PREP: variants seen among roughly 807,000 people sequenced by gnomAD.
PREP encodes prolyl endopeptidase, also known as dJ355L5.1 (prolyl endopeptidase).
A neutral mutation model predicts 87.6 loss-of-function variants in PREP; 29 were observed. That is an observed-to-expected ratio of 0.33 (90% CI 0.25 to 0.45). The LOEUF (loss-of-function observed/expected upper bound fraction) is 0.45. PREP is among the 20% of genes least tolerant of loss of function. The pLI is 1.00. For synonymous variants in PREP, 337 were observed against 328.6 expected, an observed-to-expected ratio of 1.03 and a Z score of -0.28; for missense variants, 695 against 886.5, an observed-to-expected ratio of 0.78 and a Z score of 2.74.
In PREP at chr6:105,328,895, C is replaced by CT; in HGVS notation, c.1146_1147insA (p.Val383SerfsTer11). ...TCCTTCTTCTGACCGCTGTACCCTA[C>CT]AATGCTGCCGACATCGAGCGGGAAG... On this transcript the variant is annotated frameshift_variant, in exon 9 of 15. Transcript: ENST00000652536. LOFTEE classifies it high-confidence loss of function. 1 of 1,614,156 alleles carries CT rather than the reference C, an allele frequency of 6.2e-7. No individual in the cohort carries two copies. The highest frequency in any genetic ancestry group is 8.5e-7 in the Non-Finnish European group (1 of 1,180,034).
intron 10 of PREP, among the ~76,000 whole-genome samples, chr6:105,301,469 A>G (rs1255288528): frequency 2.0e-5 from 3 of 152,220 alleles, no homozygotes; most frequent in East Asian, 1.9e-4. Flanking sequence ...AGAACTTCCT[A>G]GGACTTAGAG....
intron 10 of PREP, among the ~76,000 whole-genome samples, chr6:105,293,159 C>A (rs1770334682): frequency 6.6e-6 from 1 of 152,174 alleles, no homozygotes; most frequent in Non-Finnish European, 1.5e-5. Context: ...CTGAGACAGA[C>A]CAAAAGCTAG....
intron 2 of PREP, among the ~76,000 whole-genome samples, chr6:105,378,414 C>T (rs1006969616): frequency 6.6e-5 from 10 of 152,150 alleles, no homozygotes; most frequent in African/African-American, 1.2e-4. Context: ...GAGCCAAGAT[C>T]GTGCCACTGC....
chr6:105,308,766 C>G (rs1026228146), intron 10 of PREP, among the ~76,000 whole-genome samples: 1 of 152,186 alleles, frequency 6.6e-6, no homozygotes, highest in Non-Finnish European at 1.5e-5. Context: ...AACATATCTA[C>G]TCTGTGTTCT....
rs183624234 is a variant in PREP, at chr6:105,315,776, T to C, written c.1317+7889A>G. On this transcript the variant is annotated intron_variant, in intron 10 of 14. Transcript: ENST00000652536. ...TTGCTGCAGCTTCTACATCAGCACT[T>C]GCTGCTTCACCTTGAACTTTTATGT... Among the ~76,000 whole-genome samples the C allele has an allele frequency of 7.3e-4, 111 of 152,384 alleles. 1 individual carries two copies. The highest frequency in any genetic ancestry group is 1.9e-3 in the Admixed American group (29 of 15,308).
At chr6:105,373,281 T>C in intron 5 of PREP, 88 bp downstream of exon 5, 7 of 1,405,258 alleles carry the variant, frequency 5.0e-6, no homozygotes, top group Non-Finnish European at 7.0e-6. Flanking sequence ...CCACACAACC[T>C]CTATGTAGGG....
In PREP at chr6:105,401,917, T is replaced by G. The variant is rs565022263; in HGVS notation, c.45+930A>C. ...TCACACAAATACATACTTATTCTGA[T>G]TATATTTTAAGTAATCTGAGAAATG... On this transcript the variant is annotated intron_variant, in intron 1 of 14. Transcript: ENST00000652536. Among the ~76,000 whole-genome samples the G allele has an allele frequency of 4.6e-5, 7 of 152,362 alleles. No homozygotes were observed. The South Asian group carries it at 1.4e-3, about 32-fold the overall frequency.
intron 1 of PREP, 140 bp downstream of exon 1, chr6:105,402,707 T>A: frequency 1.4e-6 from 1 of 740,732 alleles, no homozygotes; most frequent in Non-Finnish European, 2.0e-6. Context: ...CCCGGCCCAA[T>A]TCTCCCAAAC....
Position 105,276,998 on chromosome 6 carries a change from A to G in PREP, c.*1146T>C, listed in dbSNP as rs1769947758. On this transcript the variant is annotated 3_prime_UTR_variant, in exon 15 of 15. Transcript: ENST00000652536. ...ATCATATCATCTGATAAAGCAAGAC[A>G]AAGGAAAAAAAACTGTTTTAAGTTA... Among the ~76,000 whole-genome samples the G allele has an allele frequency of 6.6e-6, 1 of 152,148 alleles. No homozygotes were observed. Among genetic ancestry groups the G allele is most frequent in the Admixed American group, 6.6e-5 (1 of 15,264 alleles).
intron 7 of PREP, among the ~76,000 whole-genome samples, chr6:105,341,760 C>T (rs758127100): frequency 7.2e-5 from 11 of 152,314 alleles, no homozygotes; most frequent in South Asian, 2.1e-4. Context: ...ACTATAAATA[C>T]CTCTTTGCAA....
intron 10 of PREP, among the ~76,000 whole-genome samples, chr6:105,304,362 C>T (rs144185590): frequency 2.5e-4 from 38 of 152,184 alleles, no homozygotes; most frequent in African/African-American, 8.9e-4. Flanking sequence ...GAATGTACTA[C>T]GAATACCCCC....
At chr6:105,361,937 T>A (rs1435804832) in intron 6 of PREP, among the ~76,000 whole-genome samples, 2 of 152,228 alleles carry the variant, frequency 1.3e-5, no homozygotes, top group South Asian at 4.2e-4. Context: ...CAAATAAAGT[T>A]ACCCAGCTTT....
At chr6:105,378,447 G>T (rs1772750669) in intron 2 of PREP, among the ~76,000 whole-genome samples, 1 of 152,188 alleles carries the variant, frequency 6.6e-6, no homozygotes, top group African/African-American at 2.4e-5. Context: ...GCGACACAGG[G>T]AGACTGTCTT....
intron 5 of PREP, among the ~76,000 whole-genome samples, chr6:105,370,080 C>T (rs7772957): frequency 0.27 from 41,627 of 151,606 alleles, 7,292 homozygotes; most frequent in African/African-American, 0.5. Flanking sequence ...GGTGAAATCC[C>T]GTCTCTACTA....
Position 105,274,857 on chromosome 6 carries a change from A to C in PREP, c.*3287T>G, listed in dbSNP as rs1769903543. ...GGCTGGGGAACTTGGACCTTTGCCA[A>C]ATGGGGAAAAGGTATTATGTGCTTC... On this transcript the variant is annotated 3_prime_UTR_variant, in exon 15 of 15. Coordinates refer to ENST00000652536, the MANE Select transcript of PREP (RefSeq NM_002726.5). Among the ~76,000 whole-genome samples, 1 of 152,136 alleles carries C rather than the reference A, an allele frequency of 6.6e-6. No individual in the cohort carries two copies.
chr6:105,363,985 T>C (rs1034732185), intron 6 of PREP, among the ~76,000 whole-genome samples: 2 of 152,102 alleles, frequency 1.3e-5, no homozygotes, highest in African/African-American at 2.4e-5. Context: ...TACATCCTCA[T>C]TGCAAGCAGC....
At chr6:105,335,109 T>C (rs932240625) in intron 7 of PREP, among the ~76,000 whole-genome samples, 17 of 152,204 alleles carry the variant, frequency 1.1e-4, no homozygotes, top group African/African-American at 4.1e-4. Flanking sequence ...ATCATCAACA[T>C]TTAAATAGCT....
rs1416286477 is a variant in PREP at position 105,278,118 on chromosome 6, C to T, written c.*26G>A. On this transcript the variant is annotated 3_prime_UTR_variant, in exon 15 of 15. Transcript: ENST00000652536. The surrounding 1 kb of genome is among the most constrained non-coding windows in gnomAD (Gnocchi z 4.2). ...GGAAAGCCCTTGAGGTTTTCTGTCG[C>T]TGTCAGGAGGAAGCACGAAAACTGT... The T allele has an allele frequency of 2.5e-6, 4 of 1,588,994 alleles. No individual in the cohort carries two copies. Among genetic ancestry groups the T allele is most frequent in the East Asian group, 4.5e-5 (2 of 44,492 alleles).
chr6:105,346,832 G>A (rs532159168), intron 7 of PREP, among the ~76,000 whole-genome samples: 12 of 152,342 alleles, frequency 7.9e-5, no homozygotes, highest in African/African-American at 2.6e-4. Flanking sequence ...CGGGTGCAGT[G>A]GCCCATGCCT....
Sources: allele counts gnomAD v4.1 joint callset (sites outside exome capture counted in the v4.1 genomes callset), GRCh38; gene constraint gnomAD v4.1.1; non-coding constraint Gnocchi (gnomAD v3.1); transcripts MANE v1.5; gene names NCBI Gene and HGNC (gene_info 2026-07-23, HGNC 2026-07-21).